Variants in NR3C1 observed in about 807,000 individuals in gnomAD.
NR3C1 encodes the protein nuclear receptor subfamily 3 group C member 1.
Under a neutral mutation model 74.0 loss-of-function variants are expected in NR3C1, and 14 were observed. The ratio of observed to expected loss-of-function variants is 0.19; its 90% CI spans 0.12 to 0.30. The LOEUF is 0.30. Ranked by LOEUF, NR3C1 falls within the 10% of genes least tolerant of loss-of-function variation. NR3C1 has a pLI of 1.00. For missense variants in NR3C1, 695 were observed against 909.8 expected, an observed-to-expected ratio of 0.76 and a Z score of 3.04; for synonymous variants, 308 against 332.5, an observed-to-expected ratio of 0.93 and a Z score of 0.80.
chr5:143,371,677 C>T (rs1834259697), intron 2 of NR3C1, among the ~76,000 whole-genome samples: 2 of 152,316 alleles, frequency 1.3e-5, no homozygotes, highest in Non-Finnish European at 2.9e-5. Flanking sequence ...ATCTCTCTTA[C>T]CTTTTATATC....
upstream of NR3C1, chr5:143,404,505 C>G: frequency 1.0e-6 from 1 of 980,930 alleles, no homozygotes; most frequent in Non-Finnish European, 1.2e-6. Flanking sequence ...CCACCCTCCC[C>G]CGCGCCCCGA....
At chr5:143,339,442 AC>A (rs1319559039) in intron 2 of NR3C1, among the ~76,000 whole-genome samples, 5 of 151,948 alleles carry the variant, frequency 3.3e-5, no homozygotes, top group African/African-American at 9.7e-5. Flanking sequence ...ATATTTTCTT[AC>A]TTTTATCTTT....
In NR3C1 at chr5:143,279,310, T is replaced by A; in HGVS notation, c.*2579A>T. On this transcript the variant is annotated 3_prime_UTR_variant, in exon 9 of 9. Coordinates refer to ENST00000394464, the MANE Select transcript of NR3C1 (RefSeq NM_000176.3). ...TATTGACAACGAAGTGCACATAATCTTCTTTTTCTCATTGAGTTCTATTTT... is the reference window on the plus strand; with the variant it reads ...TATTGACAACGAAGTGCACATAATCATCTTTTTCTCATTGAGTTCTATTTT... 1 of 1,533,484 alleles carries A rather than the reference T, an allele frequency of 6.5e-7. No individual in the cohort carries two copies. The highest frequency in any genetic ancestry group is 8.8e-7 in the Non-Finnish European group (1 of 1,140,856). The allele number at this position is 1,533,484 out of a possible 1,614,324, so 95.0% of individuals were successfully genotyped here.
At chr5:143,396,231 T>A (rs1236004328) in intron 2 of NR3C1, among the ~76,000 whole-genome samples, 3 of 151,802 alleles carry the variant, frequency 2.0e-5, no homozygotes, top group Non-Finnish European at 4.4e-5. Flanking sequence ...TTTTAAAAAC[T>A]TTTTTTACTA....
chr5:143,325,379 C>T (rs1824360684), intron 2 of NR3C1, among the ~76,000 whole-genome samples: 1 of 152,200 alleles, frequency 6.6e-6, no homozygotes, highest in African/African-American at 2.4e-5. Context: ...AAGGGAAAGA[C>T]CAGACCCTGT....
chr5:143,360,844 A>C (rs746539469), intron 2 of NR3C1, among the ~76,000 whole-genome samples: 4 of 152,346 alleles, frequency 2.6e-5, no homozygotes, highest in Non-Finnish European at 5.9e-5. Context: ...GTAAATACAC[A>C]GCCAAGTTCT....
In NR3C1 at chr5:143,291,273, T is replaced by G. The variant is rs147886495; in HGVS notation, c.2023+4187A>C. Among the ~76,000 whole-genome samples, 1,066 of 152,284 alleles carry G rather than the reference T, an allele frequency of 7.0e-3. 12 individuals are homozygous for G. Among genetic ancestry groups the G allele is most frequent in the African/African-American group, 0.025 (1,041 of 41,562 alleles). ...ATGGAGTCTCCCTCTGTCACTAGGC[T>G]GGAGTGCAGTGGTGCTATCTTGGCT... is the stretch of plus-strand genomic sequence containing the variant. On this transcript the variant is annotated intron_variant, in intron 7 of 8. Transcript: ENST00000394464.
intron 2 of NR3C1, among the ~76,000 whole-genome samples, chr5:143,399,427 T>G (rs758255432): frequency 6.6e-6 from 1 of 152,184 alleles, no homozygotes; most frequent in Non-Finnish European, 1.5e-5. Context: ...ATCCTCACCG[T>G]TGGCCAATGG....
At position 143,279,310 on chromosome 5, in the gene NR3C1, T is replaced by G; in HGVS notation, c.*2579A>C. 6.5e-7 allele frequency: 1 copy of G among 1,533,484 alleles called. No homozygotes were observed. The highest frequency in any genetic ancestry group is 2.1e-5 in the Admixed American group (1 of 47,410). 95.0% of individuals were successfully genotyped at this position (1,533,484 alleles called of 1,614,324 possible). The stretch of plus-strand genomic sequence containing the variant: ...TATTGACAACGAAGTGCACATAATC[T>G]TCTTTTTCTCATTGAGTTCTATTTT... On this transcript the variant is annotated 3_prime_UTR_variant, in exon 9 of 9. Coordinates refer to ENST00000394464, the MANE Select transcript of NR3C1 (RefSeq NM_000176.3).
upstream of NR3C1, chr5:143,404,377 T>C: frequency 3.0e-6 from 3 of 983,932 alleles, no homozygotes; most frequent in Non-Finnish European, 3.6e-6. Flanking sequence ...CATACGTACT[T>C]TGGGCCCGGG....
At chr5:143,424,847 C>A (rs886717007) in intron 1 of NR3C1, among the ~76,000 whole-genome samples, 1 of 152,172 alleles carries the variant, frequency 6.6e-6, no homozygotes, top group Non-Finnish European at 1.5e-5. Context: ...AAGCACAGGT[C>A]TCAGTGCCTT....
At chr5:143,428,592 C>T (rs1751654879) in intron 1 of NR3C1, among the ~76,000 whole-genome samples, 1 of 152,192 alleles carries the variant, frequency 6.6e-6, no homozygotes, top group Non-Finnish European at 1.5e-5. Context: ...TTTATTGGAA[C>T]ACAGCACATC....
intron 1 of NR3C1, among the ~76,000 whole-genome samples, chr5:143,414,648 C>G (rs532432439): frequency 6.6e-6 from 1 of 152,118 alleles, no homozygotes; most frequent in African/African-American, 2.4e-5. Flanking sequence ...TATAATCACT[C>G]AGTTTTATTT....
chr5:143,301,962 A>G (rs930546296), intron 4 of NR3C1, among the ~76,000 whole-genome samples: 1 of 152,084 alleles, frequency 6.6e-6, no homozygotes, highest in Non-Finnish European at 1.5e-5. Context: ...ATTTTTATTA[A>G]TAGTTCAAAA....
At chr5:143,413,417 C>G (rs1841368978) in intron 1 of NR3C1, among the ~76,000 whole-genome samples, 1 of 151,832 alleles carries the variant, frequency 6.6e-6, no homozygotes, top group Non-Finnish European at 1.5e-5. Context: ...TATAAGAAAC[C>G]CCACTGTTAA....
upstream of NR3C1, chr5:143,403,705 T>TCGCACACACG (rs1840800496): frequency 1.0e-6 from 1 of 983,524 alleles, no homozygotes; most frequent in Non-Finnish European, 1.2e-6. Context: ...GCGCACACAC[T>TCGCACACACG]CGCACACACG....
intron 2 of NR3C1, among the ~76,000 whole-genome samples, chr5:143,398,362 T>G (rs980304064): frequency 6.6e-6 from 1 of 150,490 alleles, no homozygotes; most frequent in Non-Finnish European, 1.5e-5. Context: ...TTTGGTTTTT[T>G]TTTTTTTTTT....
At chr5:143,311,795 T>G (rs1257493058) in intron 3 of NR3C1, among the ~76,000 whole-genome samples, 5 of 150,576 alleles carry the variant, frequency 3.3e-5, no homozygotes, top group East Asian at 1.9e-4. Context: ...AACGTTTTTT[T>G]TTTTTTTTTT....
chr5:143,282,104 T>G, intron 8 of NR3C1, 63 bp from the exon 9 acceptor site: 1 of 1,578,570 alleles, frequency 6.3e-7, no homozygotes, highest in Non-Finnish European at 8.7e-7. Flanking sequence ...ATCTCATGTT[T>G]GTTGTCCTCT....
Sources: gnomAD v4.1 joint callset for allele counts (sites outside exome capture counted in the v4.1 genomes callset) on GRCh38, gnomAD v4.1.1 for gene constraint, MANE v1.5 for transcripts, NCBI Gene and HGNC (gene_info 2026-07-23, HGNC 2026-07-21) for gene names.